The following CFAP65 variants were observed in gnomAD, a reference collection of about 807,000 sequenced individuals.
CFAP65 encodes cilia- and flagella-associated protein 65.
CFAP65 carries 155 observed loss-of-function variants against 208.0 expected under a neutral mutation model. That is an observed-to-expected ratio of 0.75 (90% CI 0.65 to 0.85). CFAP65 has a LOEUF of 0.85. Ranked by LOEUF, CFAP65 falls within the 40% of genes least tolerant of loss-of-function variation. The probability of loss-of-function intolerance (pLI) is 0.00; values close to 1 mark genes in which losing one functional copy is unlikely to be tolerated. For missense variants in CFAP65, 2,294 were observed against 2,451.3 expected, an observed-to-expected ratio of 0.94 and a Z score of 1.36; for synonymous variants, 970 against 986.3, an observed-to-expected ratio of 0.98 and a Z score of 0.31.
At position 219,030,194 on chromosome 2, in the gene CFAP65, G is replaced by A. The variant is rs558625132; in HGVS notation, c.1176C>T (p.Phe392=). The A allele has an allele frequency of 2.4e-5, 38 of 1,613,984 alleles. No individual in the cohort carries two copies. The highest frequency in any genetic ancestry group is 3.3e-5 in the Admixed American group (2 of 60,008). ...GTTCATCCGGGGAAATTTCAATCCT[G>A]AAGGGGGCATTTACCTGTGTGGCCA... ...LHNPSAVNAP[F]RIEISPDELA... Residue 392 remains phenylalanine, a synonymous_variant, in exon 10 of 35, where the codon TTC becomes TTT. Transcript: ENST00000341552.
At position 219,026,169 on chromosome 2, in the gene CFAP65, G is replaced by T; in HGVS notation, c.2212-10C>A. 6.2e-7 allele frequency: 1 copy of T among 1,602,506 alleles called. No homozygotes were observed. ...TGTAGCTCTGCAGGACCTGCAGAGG[G>T]GCCAGACCCACGGAAAAGCTCAGAG... is the stretch of plus-strand genomic sequence containing the variant. On this transcript the variant is annotated splice_polypyrimidine_tract_variant and intron_variant, in intron 13 of 34. Transcript: ENST00000341552.
At position 219,003,013 on chromosome 2, in the gene CFAP65, G is replaced by A; in HGVS notation, c.5702C>T (p.Thr1901Ile). Residue 1901 changes from threonine (T) to isoleucine (I), a missense_variant, in exon 35 of 35, where the codon ACC becomes ATC. Transcript: ENST00000341552. This position sits in a 1 kb window ranked among gnomAD's most constrained non-coding sequence, Gnocchi z 4.4. The stretch of plus-strand genomic sequence containing the variant: ...CTGCGTCGGCAGCAGCGTGTCCGGG[G>A]TCAGACTCCTGGAAGACAAAAAGTC... ...LPPFCVPRSL[T>I]PDTLLPTQQA... The A allele has an allele frequency of 1.9e-6, 3 of 1,557,900 alleles. No individual in the cohort carries two copies. The highest frequency in any genetic ancestry group is 2.6e-6 in the Non-Finnish European group (3 of 1,150,018).
intron 32 of CFAP65, 40 bp downstream of exon 32, chr2:219,005,394 T>A: frequency 3.1e-6 from 5 of 1,612,392 alleles, no homozygotes; most frequent in Non-Finnish European, 4.2e-6. Flanking sequence ...GCTGGAGGGA[T>A]GCGAAGGTGG....
rs1947870240 is a variant in CFAP65 at position 219,029,485 on chromosome 2, G to A, written c.1568C>T (p.Ala523Val). 6.2e-7 allele frequency: 1 copy of A among 1,614,102 alleles called. No individual in the cohort carries two copies. The highest frequency in any genetic ancestry group is 8.5e-7 in the Non-Finnish European group (1 of 1,179,994). Residue 523 changes from alanine (A) to valine (V), a missense_variant, in exon 11 of 35, where the codon GCC becomes GTC. Coordinates refer to ENST00000341552, the MANE Select transcript of CFAP65 (RefSeq NM_194302.4). ...GAAGGCACAGTGCAGGGTCATACGG[G>A]CCTTGCCCACCAGCGTCCCAAAGGC... ...RPAFGTLVGK[A>V]RMTLHCAFQP...
intron 2 of CFAP65, 97 bp downstream of exon 2, chr2:219,040,422 G>A (rs1050732708): frequency 2.9e-5 from 22 of 754,830 alleles, no homozygotes; most frequent in Non-Finnish European, 5.2e-5. Flanking sequence ...CTCTGGAGGG[G>A]ACTATCTAGA....
Position 219,003,187 on chromosome 2 carries a change from C to G in CFAP65, c.5641G>C (p.Val1881Leu). ...ATGACGCGTGGCCGCGAGGTGAGTACCACCTCCCCGCGGCTCGCCTCCACC... is the reference window on the plus strand; with the variant it reads ...ATGACGCGTGGCCGCGAGGTGAGTAGCACCTCCCCGCGGCTCGCCTCCACC... ...ILVEASRGEV[V>L]LTSRPRVIAL... The change falls in exon 34 of 35, where the codon GTA (valine) becomes CTA (leucine). Residue 1881 changes from valine to leucine, a missense_variant. Physicochemically the swap from Val to Leu is conservative, Grantham distance 32. Coordinates refer to ENST00000341552, the MANE Select transcript of CFAP65 (RefSeq NM_194302.4). This position sits in a 1 kb window ranked among gnomAD's most constrained non-coding sequence, Gnocchi z 4.4. The G allele has an allele frequency of 6.5e-7, 1 of 1,548,406 alleles. No individual in the cohort carries two copies. The highest frequency in any genetic ancestry group is 8.7e-7 in the Non-Finnish European group (1 of 1,145,770).
At position 219,019,041 on chromosome 2, in the gene CFAP65, C is replaced by T; in HGVS notation, c.3602+10G>A. ...TCCCAGGCCCCCCAGTGGCCCCCTT[C>T]AAGCCATACCAGTCCAGGGACACCA... On this transcript the variant is annotated intron_variant, in intron 21 of 34. Coordinates refer to ENST00000341552, the MANE Select transcript of CFAP65 (RefSeq NM_194302.4). 6.2e-7 allele frequency: 1 copy of T among 1,601,306 alleles called. No homozygotes were observed. Among genetic ancestry groups the T allele is most frequent in the Non-Finnish European group, 8.5e-7 (1 of 1,175,424 alleles).
intron 4 of CFAP65, 39 bp from the exon 5 acceptor site, chr2:219,035,703 G>T: frequency 6.4e-7 from 1 of 1,571,942 alleles, no homozygotes; most frequent in Non-Finnish European, 8.6e-7. Context: ...CAGAAAGGAT[G>T]TATCAGCAGG....
At chr2:219,041,323 T>C in intron 1 of CFAP65, 165 bp downstream of exon 1, 1 of 622,488 alleles carries the variant, frequency 1.6e-6, no homozygotes, top group Non-Finnish European at 2.8e-6. Context: ...TTAGTCTGAT[T>C]GATCTCGCCC....
intron 17 of CFAP65, 46 bp from the exon 18 acceptor site, chr2:219,021,976 C>T: frequency 6.2e-7 from 1 of 1,606,626 alleles, no homozygotes; most frequent in Non-Finnish European, 8.5e-7. Flanking sequence ...TCCTCCAGGC[C>T]CACAGCCCCA....
chr2:219,021,135 C>A lies in CFAP65; in HGVS notation c.3259+17G>T. On this transcript the variant is annotated intron_variant, in intron 19 of 34. Transcript: ENST00000341552. ...ATTTCCCCGGCCCCGACTCTCTATG[C>A]CAGGCAGTCTAGGTACCTCTGTGGG... 6.6e-7 allele frequency: 1 copy of A among 1,509,476 alleles called. No homozygotes were observed. The highest frequency in any genetic ancestry group is 8.9e-7 in the Non-Finnish European group (1 of 1,123,952). The allele number at this position is 1,509,476 out of a possible 1,614,324, so 93.5% of individuals were successfully genotyped here. A position where few individuals can be genotyped will look rare whatever the true frequency, so the allele number is the denominator to read the frequency against.
chr2:219,013,303 G>A lies in CFAP65; in HGVS notation c.3913C>T (p.Gln1305Ter). ...KYVHFTSTTH[Q>*]FIPIPIGDTL... ...TCACCAATGGGAATGGGGATGAACTGGTGGGTAGTAGAGGTGAAGTGCACA... is the reference window on the plus strand; with the variant it reads ...TCACCAATGGGAATGGGGATGAACTAGTGGGTAGTAGAGGTGAAGTGCACA... Residue 1305 changes from glutamine to a stop codon, truncating the protein, a stop_gained, in exon 24 of 35, where the codon CAG becomes TAG. Coordinates refer to ENST00000341552, the MANE Select transcript of CFAP65 (RefSeq NM_194302.4). LOFTEE classifies it high-confidence loss of function. The A allele has an allele frequency of 6.2e-7, 1 of 1,614,074 alleles. No individual in the cohort carries two copies. The highest frequency in any genetic ancestry group is 8.5e-7 in the Non-Finnish European group (1 of 1,179,962).
chr2:219,007,310 A>G (rs1241570394), intron 29 of CFAP65, among the ~76,000 whole-genome samples: 1 of 151,646 alleles, frequency 6.6e-6, no homozygotes, highest in Non-Finnish European at 1.5e-5. Context: ...AGTAGCTGGG[A>G]CTACAGGTGT....
At position 219,004,043 on chromosome 2, in the gene CFAP65, A is replaced by T; in HGVS notation, c.5464T>A (p.Ser1822Thr). Residue 1822 changes from serine (S) to threonine (T), a missense_variant, in exon 33 of 35, where the codon TCC becomes ACC. This residue lies in a region of CFAP65 where 1,427 missense variants were observed against 1,438.7 expected (regional missense o/e 0.99). Coordinates refer to ENST00000341552, the MANE Select transcript of CFAP65 (RefSeq NM_194302.4). The surrounding 1 kb of genome is among the most constrained non-coding windows in gnomAD (Gnocchi z 4.7). Reference sequence around the variant, plus strand: ...CACTGCCATTGCATGGACTCCTGGGACTCAGGCTGTGGTGTGGGCCCGATG... The same window carrying T: ...CACTGCCATTGCATGGACTCCTGGGTCTCAGGCTGTGGTGTGGGCCCGATG... ...AGIGPTPQPESQESMQWQWQQ... is the reference protein window; with the variant it reads ...AGIGPTPQPETQESMQWQWQQ... 6.2e-7 allele frequency: 1 copy of T among 1,613,560 alleles called. No individual in the cohort carries two copies.
In CFAP65 at chr2:219,013,389, C is replaced by A. The variant is rs765645683; in HGVS notation, c.3847-20G>T. 3.5e-5 allele frequency: 56 copies of A among 1,589,032 alleles called. No individual in the cohort carries two copies. Among genetic ancestry groups the A allele is most frequent in the Non-Finnish European group, 4.8e-5 (56 of 1,163,172 alleles). Reference sequence around the variant, plus strand: ...ATTTAGCTGGAAATAAAAGTTCCCCCGGAGGAACTGACACAGCCAGTGGAG... The same window carrying A: ...ATTTAGCTGGAAATAAAAGTTCCCCAGGAGGAACTGACACAGCCAGTGGAG... On this transcript the variant is annotated intron_variant, in intron 23 of 34. Coordinates refer to ENST00000341552, the MANE Select transcript of CFAP65 (RefSeq NM_194302.4).
Position 219,026,045 on chromosome 2 carries a change from G to A in CFAP65, c.2326C>T (p.Gln776Ter), listed in dbSNP as rs767815677. The A allele has an allele frequency of 6.2e-7, 1 of 1,614,176 alleles. No individual in the cohort carries two copies. The highest frequency in any genetic ancestry group is 1.1e-5 in the South Asian group (1 of 91,082). The change falls in exon 14 of 35, where the codon CAG becomes TAG. Residue 776 changes from glutamine to a stop codon, truncating the protein, a stop_gained. Coordinates refer to ENST00000341552, the MANE Select transcript of CFAP65 (RefSeq NM_194302.4). LOFTEE classifies it high-confidence loss of function. ...YFAGFEHHIP[Q>*]YSLDVPKLFP... The stretch of plus-strand genomic sequence containing the variant: ...ACCTTGGGGACATCTAGGGAATACT[G>A]GGGGATGTGGTGCTCAAAGCCAGCG...
intron 24 of CFAP65, among the ~76,000 whole-genome samples, chr2:219,012,610 C>T (rs1309553607): frequency 3.3e-5 from 5 of 152,264 alleles, no homozygotes; most frequent in Admixed American, 3.3e-4. Flanking sequence ...TTATGTCCCC[C>T]TCTTGGAGAT....
chr2:219,040,893 A>C (rs1948619876), intron 1 of CFAP65, among the ~76,000 whole-genome samples: 2 of 152,222 alleles, frequency 1.3e-5, no homozygotes, highest in Non-Finnish European at 2.9e-5. Flanking sequence ...CCTCGCCTGT[A>C]AAATGTGGGT....
intron 21 of CFAP65, among the ~76,000 whole-genome samples, chr2:219,017,433 GCAGGAA>G (rs1946972888): frequency 6.6e-6 from 1 of 152,188 alleles, no homozygotes; most frequent in Non-Finnish European, 1.5e-5. Flanking sequence ...ACAGGCCTTG[GCAGGAA>G]TAAAACCCTC....
Sources: allele counts gnomAD v4.1 joint callset (sites outside exome capture counted in the v4.1 genomes callset), GRCh38; gene constraint gnomAD v4.1.1; regional missense constraint gnomAD v4.1.1; non-coding constraint Gnocchi (gnomAD v3.1); transcripts MANE v1.5; gene names NCBI Gene and HGNC (gene_info 2026-07-23, HGNC 2026-07-21).